CACNB2: variants seen among roughly 807,000 people sequenced by gnomAD.
CACNB2 encodes the protein voltage-dependent L-type calcium channel subunit beta-2.
In CACNB2, 42 loss-of-function variants were observed where a neutral mutation model predicts 73.3. That is an observed-to-expected ratio of 0.57 (90% CI 0.45 to 0.74). The LOEUF is 0.74. Among genes scored for constraint, CACNB2 ranks in the 30% least tolerant of loss-of-function variants. CACNB2 has a pLI of 0.00. For synonymous variants in CACNB2, 348 were observed against 310.3 expected, an observed-to-expected ratio of 1.12 and a Z score of -1.28; for missense variants, 940 against 853.0, an observed-to-expected ratio of 1.10 and a Z score of -1.27.
rs12357063 is a variant in CACNB2 at position 18,514,409 on chromosome 10, A to G, written c.804+40A>G. 105,518 of 1,613,756 alleles carry G rather than the reference A, an allele frequency of 0.065. 4,158 individuals are homozygous for G. The highest frequency in any genetic ancestry group is 0.08 in the Non-Finnish European group (94,010 of 1,179,786). On this transcript the variant is annotated intron_variant, in intron 7 of 13. Transcript: ENST00000324631. ...CAAGCTCCCATTGTCCACCTGCTCAACTGCACTGCGTCACATTTCTAGTCC... is the reference window on the plus strand; with the variant it reads ...CAAGCTCCCATTGTCCACCTGCTCAGCTGCACTGCGTCACATTTCTAGTCC...
intron 3 of CACNB2, among the ~76,000 whole-genome samples, chr10:18,447,059 C>CAAA (rs373210078): frequency 8.2e-6 from 1 of 121,850 alleles, no homozygotes; most frequent in Non-Finnish European, 1.8e-5. Flanking sequence ...GGCTCTGTCT[C>CAAA]AAAAAAAAAA....
At chr10:18,325,675 T>TTCCCTCCC (rs200163707) in intron 2 of CACNB2, among the ~76,000 whole-genome samples, 28 of 97,620 alleles carry the variant, frequency 2.9e-4, no homozygotes, top group Middle Eastern at 5.9e-3. Flanking sequence ...TTCTTTCTCT[T>TTCCCTCCC]TCCCTCCCTC....
chr10:18,367,336 A>AT (rs1275479484), intron 2 of CACNB2, among the ~76,000 whole-genome samples: 4 of 151,990 alleles, frequency 2.6e-5, no homozygotes, highest in African/African-American at 9.7e-5. Context: ...TTGAACTTGG[A>AT]TTTTAAATAG....
At chr10:18,527,296 A>G (rs2052567925) in intron 9 of CACNB2, among the ~76,000 whole-genome samples, 1 of 152,108 alleles carries the variant, frequency 6.6e-6, no homozygotes. Context: ...GAATCACTTG[A>G]ACCTGAAAGG....
rs867725254 is a variant in CACNB2 at position 18,220,244 on chromosome 10, G to T, written c.213+69269G>T. Among the ~76,000 whole-genome samples the T allele has an allele frequency of 4.5e-3, 435 of 97,262 alleles. 5 individuals are homozygous for T. Among genetic ancestry groups the T allele is most frequent in the African/African-American group, 9.1e-3 (177 of 19,418 alleles). 63.8% of individuals were successfully genotyped at this position (97,262 alleles called of 152,430 possible). On this transcript the variant is annotated intron_variant, in intron 2 of 13. Transcript: ENST00000324631. Reference sequence around the variant, plus strand: ...ATATATATATATATAGAGAGAGAGAGAGAGAGAGAGAGAGAGAGAGAGAGA... The same window carrying T: ...ATATATATATATATAGAGAGAGAGATAGAGAGAGAGAGAGAGAGAGAGAGA...
At chr10:18,212,276 C>T (rs1248559433) in intron 2 of CACNB2, among the ~76,000 whole-genome samples, 1 of 152,200 alleles carries the variant, frequency 6.6e-6, no homozygotes, top group Non-Finnish European at 1.5e-5. Context: ...TTTATGAACT[C>T]TTGGAAATAT....
intron 2 of CACNB2, among the ~76,000 whole-genome samples, chr10:18,229,518 G>T (rs2036144573): frequency 1.3e-5 from 2 of 152,082 alleles, no homozygotes; most frequent in Non-Finnish European, 2.9e-5. Context: ...TTTCAATTTT[G>T]CTTGGTAAGA....
intron 13 of CACNB2, 103 bp from the exon 14 acceptor site, chr10:18,539,127 T>C: frequency 6.8e-7 from 1 of 1,473,300 alleles, no homozygotes; most frequent in Non-Finnish European, 9.4e-7. Flanking sequence ...CATTTCAGCT[T>C]TTCGGATGCT....
intron 2 of CACNB2, among the ~76,000 whole-genome samples, chr10:18,394,991 T>G (rs2043648832): frequency 6.6e-6 from 1 of 152,158 alleles, no homozygotes; most frequent in Non-Finnish European, 1.5e-5. Context: ...TAACTCCGAA[T>G]TAAGGAACTC....
intron 3 of CACNB2, among the ~76,000 whole-genome samples, chr10:18,413,081 C>T (rs2044727529): frequency 6.6e-6 from 1 of 152,240 alleles, no homozygotes; most frequent in Non-Finnish European, 1.5e-5. Context: ...AGTCGTTCTC[C>T]TGCCTCAGCC....
intron 2 of CACNB2, among the ~76,000 whole-genome samples, chr10:18,156,083 A>G (rs990386757): frequency 2.0e-4 from 31 of 152,152 alleles, no homozygotes; most frequent in African/African-American, 6.8e-4. Flanking sequence ...ACATATTTGA[A>G]TATATTGTAA....
intron 2 of CACNB2, among the ~76,000 whole-genome samples, chr10:18,342,017 A>G (rs2041253392): frequency 6.6e-6 from 1 of 152,114 alleles, no homozygotes; most frequent in South Asian, 2.1e-4. Context: ...CTAATTATCA[A>G]CGGTTTCTGG....
chr10:18,298,381 A>C (rs554338079), intron 2 of CACNB2, among the ~76,000 whole-genome samples: 15 of 152,206 alleles, frequency 9.9e-5, no homozygotes, highest in African/African-American at 1.9e-4. Flanking sequence ...AAAAAAAAAA[A>C]ACCTAACCTT....
chr10:18,399,188 C>T (rs1416208365), intron 2 of CACNB2, among the ~76,000 whole-genome samples: 1 of 152,078 alleles, frequency 6.6e-6, no homozygotes, highest in East Asian at 1.9e-4. Flanking sequence ...ACAGGGGCCC[C>T]TTATGGGGTA....
chr10:18,214,810 G>C (rs1223567761), intron 2 of CACNB2, among the ~76,000 whole-genome samples: 1 of 152,082 alleles, frequency 6.6e-6, no homozygotes, highest in East Asian at 1.9e-4. Context: ...AGCAGTGGCT[G>C]TTTGTGAATT....
At chr10:18,358,497 GCTCTCTCTCTCTCT>G (rs59205683) in intron 2 of CACNB2, among the ~76,000 whole-genome samples, 179 of 104,324 alleles carry the variant, frequency 1.7e-3, no homozygotes, top group African/African-American at 4.5e-3. Flanking sequence ...TAATGAGCAC[GCTCTCTCTCTCTCT>G]CTCTCTCTCT....
Position 18,329,467 on chromosome 10 carries a change from G to T in CACNB2, c.214-72457G>T, listed in dbSNP as rs1342919685. Among the ~76,000 whole-genome samples the T allele has an allele frequency of 2.1e-5, 3 of 141,980 alleles. No homozygotes were observed. In the East Asian group the frequency reaches 6.4e-4, roughly 31 times the overall value. The allele number at this position is 141,980 out of a possible 152,430, so 93.1% of individuals were successfully genotyped here. On this transcript the variant is annotated intron_variant, in intron 2 of 13. Transcript: ENST00000324631. ...GTGGCTGTGAATATTTTTTCCCAGA[G>T]TTGGTAATCCTAAATCACCTCTTAC...
At chr10:18,426,072 T>C (rs1482138635) in intron 3 of CACNB2, among the ~76,000 whole-genome samples, 1 of 152,228 alleles carries the variant, frequency 6.6e-6, no homozygotes, top group Non-Finnish European at 1.5e-5. Context: ...TGACTATTCT[T>C]GGACCTTTCT....
intron 2 of CACNB2, among the ~76,000 whole-genome samples, chr10:18,248,356 G>A (rs1032594501): frequency 2.0e-5 from 3 of 152,116 alleles, no homozygotes; most frequent in Non-Finnish European, 2.9e-5. Context: ...AAGAATAATG[G>A]AATACTTCTG....
Sources: gnomAD v4.1 joint callset for allele counts (sites outside exome capture counted in the v4.1 genomes callset) on GRCh38, gnomAD v4.1.1 for gene constraint, MANE v1.5 for transcripts, NCBI Gene and HGNC (gene_info 2026-07-23, HGNC 2026-07-21) for gene names.